The following EDARADD variants were observed in gnomAD, a reference collection of about 807,000 sequenced individuals.
EDARADD encodes EDAR associated via death domain.
A neutral mutation model predicts 25.6 loss-of-function variants in EDARADD; 20 were observed. The observed-to-expected ratio is 0.78, with a 90% CI of 0.55 to 1.14. EDARADD has a LOEUF of 1.14. EDARADD is among the 50% of genes most tolerant of loss of function. The probability of loss-of-function intolerance (pLI) is 0.00; values close to 1 mark genes in which losing one functional copy is unlikely to be tolerated. For synonymous variants in EDARADD, 86 were observed against 94.4 expected, an observed-to-expected ratio of 0.91 and a Z score of 0.52; for missense variants, 225 against 270.1, an observed-to-expected ratio of 0.83 and a Z score of 1.17.
At chr1:236,468,095 C>T in intron 4 of EDARADD, 136 bp from the exon 5 acceptor site, 1 of 797,284 alleles carries the variant, frequency 1.3e-6, no homozygotes. Flanking sequence ...CATTAAAATG[C>T]CATTCTCAAG....
At chr1:236,377,669 C>G (rs1231833927) in intron 3 of EDARADD, among the ~76,000 whole-genome samples, 1 of 151,090 alleles carries the variant, frequency 6.6e-6, no homozygotes, top group Non-Finnish European at 1.5e-5. Flanking sequence ...ACCATCCTGG[C>G]CAACATGGTG....
chr1:236,416,290 A>T (rs1399213818), intron 3 of EDARADD, among the ~76,000 whole-genome samples: 1 of 152,182 alleles, frequency 6.6e-6, no homozygotes. Flanking sequence ...GGTGCAGGGA[A>T]ATCCAGCCGA....
Position 236,427,426 on chromosome 1 carries a change from A to G in EDARADD, c.195A>G (p.Pro65=). 6.2e-7 allele frequency: 1 copy of G among 1,612,296 alleles called. No individual in the cohort carries two copies. The highest frequency in any genetic ancestry group is 8.5e-7 in the Non-Finnish European group (1 of 1,179,396). ...EECDTITLNC[P]RNSDMKNQGE... is the part of the protein sequence containing the mutation. ...GTGATACAATTACTTTGAACTGCCC[A>G]CGAAATTCAGATATGAAAAATCAGG... Residue 65 remains proline, a synonymous_variant, in exon 4 of 6, where the codon CCA becomes CCG. Transcript: ENST00000334232.
intron 3 of EDARADD, among the ~76,000 whole-genome samples, chr1:236,373,331 G>A (rs10802531): frequency 0.14 from 21,807 of 151,850 alleles, 2,072 homozygotes; most frequent in East Asian, 0.43. Flanking sequence ...TCAGCCTCCC[G>A]AGTAGCTGGG....
chr1:236,386,112 G>C lies in EDARADD; in HGVS notation c.-5-23104G>C, dbSNP rs1378019588. Among the ~76,000 whole-genome samples, 5 of 34,104 alleles carry C rather than the reference G, an allele frequency of 1.5e-4. 2 individuals are homozygous for C. Among genetic ancestry groups the C allele is most frequent in the African/African-American group, 4.1e-4 (5 of 12,230 alleles). The allele number at this position is 34,104 out of a possible 152,430, so 22.4% of individuals were successfully genotyped here. A position where few individuals can be genotyped will look rare whatever the true frequency, so the allele number is the denominator to read the frequency against. ...CTGGTTTTGGTGGAGACGGGGTTTCGCTGTGTTGACCGGGCCGGTCTCCAG... is the reference window on the plus strand; with the variant it reads ...CTGGTTTTGGTGGAGACGGGGTTTCCCTGTGTTGACCGGGCCGGTCTCCAG... On this transcript the variant is annotated intron_variant, in intron 3 of 7. Transcript: ENST00000439430.
chr1:236,349,798 G>GA (rs1402095964), intron 2 of EDARADD, among the ~76,000 whole-genome samples: 15 of 149,520 alleles, frequency 1.0e-4, no homozygotes, highest in African/African-American at 2.2e-4. Context: ...AGGAAGGAAG[G>GA]AAAAAAAAAG....
At chr1:236,358,208 TG>T (rs1229174545) in intron 3 of EDARADD, among the ~76,000 whole-genome samples, 3 of 152,208 alleles carry the variant, frequency 2.0e-5, no homozygotes, top group Non-Finnish European at 4.4e-5. Context: ...GTCTGCTTTT[TG>T]TTCTTTGTTT....
rs990044397 is a variant in EDARADD at position 236,467,065 on chromosome 1, C to CA, written c.220-1158dup. ...TGGGCGACAGAGCAAGACTCCGTCT[C>CA]AAAAAAAACAAAAAAACAAAAAAAA... On this transcript the variant is annotated intron_variant, in intron 4 of 5. Transcript: ENST00000334232. Among the ~76,000 whole-genome samples the CA allele has an allele frequency of 3.1e-4, 41 of 133,234 alleles. 1 individual carries two copies. Among genetic ancestry groups the CA allele is most frequent in the African/African-American group, 1.0e-3 (31 of 29,848 alleles). The allele number at this position is 133,234 out of a possible 152,430, so 87.4% of individuals were successfully genotyped here. A position where few individuals can be genotyped will look rare whatever the true frequency, so the allele number is the denominator to read the frequency against.
At chr1:236,425,175 G>C (rs1016655234) in intron 3 of EDARADD, among the ~76,000 whole-genome samples, 5 of 152,232 alleles carry the variant, frequency 3.3e-5, no homozygotes, top group African/African-American at 7.2e-5. Flanking sequence ...GCTCTTTGGC[G>C]TGTTGGAAGC....
intron 3 of EDARADD, among the ~76,000 whole-genome samples, chr1:236,421,613 G>T (rs555832571): frequency 6.8e-6 from 1 of 147,456 alleles, no homozygotes; most frequent in South Asian, 2.2e-4. Flanking sequence ...TTCTCCTGCC[G>T]CAGCCTCCTG....
At chr1:236,419,845 C>T (rs563389194) in intron 3 of EDARADD, among the ~76,000 whole-genome samples, 52 of 152,258 alleles carry the variant, frequency 3.4e-4, no homozygotes, top group Middle Eastern at 3.4e-3. Context: ...TACATGGTCC[C>T]TTATTTGAAC....
At chr1:236,364,202 G>T (rs2102992104) in intron 3 of EDARADD, among the ~76,000 whole-genome samples, 1 of 152,254 alleles carries the variant, frequency 6.6e-6, no homozygotes, top group East Asian at 1.9e-4. Context: ...TATAGTTAAA[G>T]GAATTAACAA....
intron 4 of EDARADD, among the ~76,000 whole-genome samples, chr1:236,446,341 G>T (rs1448628899): frequency 6.6e-6 from 1 of 152,126 alleles, no homozygotes; most frequent in African/African-American, 2.4e-5. Flanking sequence ...CACAAGGTCA[G>T]GAGTTTGAGA....
chr1:236,373,018 C>T (rs545377316), intron 3 of EDARADD, among the ~76,000 whole-genome samples: 1 of 146,582 alleles, frequency 6.8e-6, no homozygotes, highest in South Asian at 2.2e-4. Flanking sequence ...CGGGTTCATG[C>T]CATTCTCCTG....
intron 4 of EDARADD, among the ~76,000 whole-genome samples, chr1:236,433,203 A>G (rs1658153586): frequency 6.6e-6 from 1 of 152,050 alleles, no homozygotes; most frequent in South Asian, 2.1e-4. Flanking sequence ...CCACTCGAAT[A>G]CAATTATTTT....
intron 3 of EDARADD, among the ~76,000 whole-genome samples, chr1:236,366,181 G>A (rs563973044): frequency 6.4e-4 from 97 of 152,310 alleles, no homozygotes; most frequent in African/African-American, 2.1e-3. Context: ...CAGACATTGT[G>A]ACTTTATCTT....
chr1:236,394,438 C>T lies in EDARADD; in HGVS notation c.-7C>T. On this transcript the variant is annotated 5_prime_UTR_variant, in exon 1 of 6. Transcript: ENST00000334232. Reference sequence around the variant, plus strand: ...CAGAGAATTAAGAAGCCAAACTCAACATCGCCATGGGCCTCAGGACGACTA... The same window carrying T: ...CAGAGAATTAAGAAGCCAAACTCAATATCGCCATGGGCCTCAGGACGACTA... The T allele has an allele frequency of 6.2e-7, 1 of 1,614,126 alleles. No individual in the cohort carries two copies. Among genetic ancestry groups the T allele is most frequent in the Non-Finnish European group, 8.5e-7 (1 of 1,179,990 alleles).
chr1:236,464,423 CTTTTTTTTTTTTTTTT>C (rs35064410), intron 4 of EDARADD, among the ~76,000 whole-genome samples: 1 of 72,982 alleles, frequency 1.4e-5, no homozygotes, highest in African/African-American at 4.7e-5. Flanking sequence ...CTTGCTGCAA[CTTTTTTTTTTTTTTTT>C]TTTTTTTTTT....
chr1:236,405,917 C>CCTTTTTTT (rs1667723650), intron 1 of EDARADD, among the ~76,000 whole-genome samples: 1 of 52,558 alleles, frequency 1.9e-5, no homozygotes, highest in South Asian at 6.3e-4. Context: ...TTCTTTCTTT[C>CCTTTTTTT]TTTCTTTCTC....
Sources: allele counts gnomAD v4.1 joint callset (sites outside exome capture counted in the v4.1 genomes callset), GRCh38; gene constraint gnomAD v4.1.1; transcripts MANE v1.5; gene names NCBI Gene and HGNC (gene_info 2026-07-23, HGNC 2026-07-21).